The following ELOVL2 variants were observed in gnomAD, a reference collection of about 807,000 sequenced individuals.
ELOVL2 encodes the protein very long chain fatty acid elongase 2.
In ELOVL2, 38 loss-of-function variants were observed where a neutral mutation model predicts 37.7. The observed-to-expected ratio is 1.01, with a 90% CI of 0.78 to 1.32. ELOVL2 has a LOEUF of 1.32. Among genes scored for constraint, ELOVL2 ranks in the 40% most tolerant of loss-of-function variants. The pLI is 0.00. For missense variants in ELOVL2, 352 were observed against 363.6 expected (o/e 0.97, Z 0.26); for synonymous variants, 115 against 122.3 (o/e 0.94, Z 0.40).
chr6:11,043,466 G>GAACACACACACACACACACACACAC (rs1783138669), intron 1 of ELOVL2: 2 of 44,148 alleles, frequency 4.5e-5, no homozygotes, highest in Non-Finnish European at 7.1e-5. Flanking sequence ...GGACACGGGT[G>GAACACACACACACACACACACACAC]AACACACACA....
chr6:11,023,793 A>T lies in ELOVL2; in HGVS notation c.4-12984T>A, dbSNP rs573661249. ...AGGAAAATCATACCTCTCCCTCAGC[A>T]TTTAAATCTGAATAATGTCAAATCA... On this transcript the variant is annotated intron_variant, in intron 1 of 7. Coordinates refer to ENST00000354666, the MANE Select transcript of ELOVL2 (RefSeq NM_017770.4). 5.3e-5 allele frequency among the ~76,000 whole-genome samples: 8 copies of T among 152,324 alleles called. No individual in the cohort carries two copies. The South Asian group carries it at 1.4e-3, about 28-fold the overall frequency.
chr6:11,032,816 G>A (rs1332983541), intron 1 of ELOVL2, among the ~76,000 whole-genome samples: 1 of 152,158 alleles, frequency 6.6e-6, no homozygotes, highest in Non-Finnish European at 1.5e-5. Context: ...AGATAAACAA[G>A]TAACTAATAA....
chr6:10,983,189 G>C lies in ELOVL2; in HGVS notation c.*592C>G, dbSNP rs1257657915. 1 of 152,116 alleles carries C rather than the reference G, an allele frequency of 6.6e-6. No homozygotes were observed. Among genetic ancestry groups the C allele is most frequent in the Non-Finnish European group, 1.5e-5 (1 of 68,038 alleles). The allele number at this position is 152,116 out of a possible 1,614,324, so 9.4% of individuals were successfully genotyped here. A position where few individuals can be genotyped will look rare whatever the true frequency, so the allele number is the denominator to read the frequency against. On this transcript the variant is annotated 3_prime_UTR_variant, in exon 8 of 8. Transcript: ENST00000354666. ...TTTCATTACCATATCACTAAATTTA[G>C]AATCAGGAGTGGTTGTGGGAATCTG... is the stretch of plus-strand genomic sequence containing the variant.
intron 1 of ELOVL2, among the ~76,000 whole-genome samples, chr6:11,014,792 G>A (rs1451395078): frequency 1.3e-5 from 2 of 152,186 alleles, no homozygotes; most frequent in Admixed American, 1.3e-4. Context: ...TTTCTTACAG[G>A]AAAGCATTCT....
intron 1 of ELOVL2, among the ~76,000 whole-genome samples, chr6:11,042,242 G>A (rs1783109270): frequency 6.6e-6 from 1 of 152,126 alleles, no homozygotes; most frequent in Admixed American, 6.5e-5. Context: ...GAGCCCAGGA[G>A]GTGGAGGTTG....
chr6:11,027,385 T>A (rs908120479), intron 1 of ELOVL2, among the ~76,000 whole-genome samples: 7 of 152,132 alleles, frequency 4.6e-5, no homozygotes, highest in Admixed American at 1.3e-4. Context: ...GGGAGAGTCA[T>A]GGACTTTTTA....
chr6:10,998,409 A>G (rs1262518698), intron 4 of ELOVL2, among the ~76,000 whole-genome samples: 1 of 152,208 alleles, frequency 6.6e-6, no homozygotes, highest in East Asian at 1.9e-4. Flanking sequence ...CACATATGAA[A>G]GGCAAGATAA....
At position 10,989,571 on chromosome 6, in the gene ELOVL2, G is replaced by A. The variant is rs1235301175; in HGVS notation, c.765+132C>T. ...GGAGAATCACTTGAACCCAGAAGGCGGAGGTTGCAGTGAGCTGAGATCATG... is the reference window on the plus strand; with the variant it reads ...GGAGAATCACTTGAACCCAGAAGGCAGAGGTTGCAGTGAGCTGAGATCATG... On this transcript the variant is annotated intron_variant, in intron 7 of 7. Transcript: ENST00000354666. 40 of 793,008 alleles carry A rather than the reference G, an allele frequency of 5.0e-5. No individual in the cohort carries two copies. In the East Asian group the frequency reaches 7.2e-4, roughly 14 times the overall value. The allele number at this position is 793,008 out of a possible 1,614,324, so 49.1% of individuals were successfully genotyped here.
rs1169503730 is a variant in ELOVL2, at chr6:10,980,856, A to G, written c.*2925T>C. ...TGCAGCCTCCCTGTCTACTCCATTC[A>G]TGATACTATGTTCTTAAGATATAAT... On this transcript the variant is annotated 3_prime_UTR_variant, in exon 8 of 8. Transcript: ENST00000354666. 1.3e-5 allele frequency: 2 copies of G among 152,654 alleles called. No homozygotes were observed. Among genetic ancestry groups the G allele is most frequent in the African/African-American group, 4.8e-5 (2 of 41,452 alleles). 9.5% of individuals were successfully genotyped at this position (152,654 alleles called of 1,614,324 possible).
intron 4 of ELOVL2, among the ~76,000 whole-genome samples, chr6:10,998,464 G>C (rs888998438): frequency 5.3e-5 from 8 of 151,772 alleles, no homozygotes; most frequent in Admixed American, 2.6e-4. Flanking sequence ...AAAATGAATT[G>C]GTGCTCTAAC....
In ELOVL2 at chr6:11,005,518, G is replaced by A. The variant is rs781681671; in HGVS notation, c.109C>T (p.Pro37Ser). ...TACATGACAGTAAGAAAAAAGGTAG[G>A]AAGGTAAGAGTCCAACATGAACCAC... ...RGWFMLDSYL[P>S]TFFLTVMYLL... The change falls in exon 3 of 8, where the codon CCT becomes TCT. Residue 37 changes from proline to serine, a missense_variant. Coordinates refer to ENST00000354666, the MANE Select transcript of ELOVL2 (RefSeq NM_017770.4). The A allele has an allele frequency of 3.0e-5, 49 of 1,613,966 alleles. No individual in the cohort carries two copies. The Admixed American group carries it at 8.0e-4, about 26-fold the overall frequency.
intron 1 of ELOVL2, among the ~76,000 whole-genome samples, chr6:11,041,637 T>C (rs1397053147): frequency 6.6e-6 from 1 of 152,194 alleles, no homozygotes; most frequent in Non-Finnish European, 1.5e-5. Context: ...ATTTCTTTCC[T>C]TTTTACCTTT....
At chr6:11,019,478 A>G (rs1464889658) in intron 1 of ELOVL2, among the ~76,000 whole-genome samples, 1 of 152,228 alleles carries the variant, frequency 6.6e-6, no homozygotes. Flanking sequence ...GTGCAATCAG[A>G]TAACATAAAG....
chr6:11,017,932 A>C (rs1487570201), intron 1 of ELOVL2, among the ~76,000 whole-genome samples: 1 of 152,218 alleles, frequency 6.6e-6, no homozygotes, highest in African/African-American at 2.4e-5. Context: ...CTGAACTTTT[A>C]CAATACTCAC....
chr6:11,037,453 A>T (rs1469814710), intron 1 of ELOVL2, among the ~76,000 whole-genome samples: 2 of 152,180 alleles, frequency 1.3e-5, no homozygotes, highest in South Asian at 2.1e-4. Context: ...AATAAAACCA[A>T]ATAGTAAATA....
At chr6:11,005,665 A>T in intron 2 of ELOVL2, 106 bp from the exon 3 acceptor site, 3 of 886,750 alleles carry the variant, frequency 3.4e-6, no homozygotes, top group Non-Finnish European at 5.1e-6. Context: ...AACAGGGAAC[A>T]ACTCCATACA....
chr6:11,044,130 C>T lies in ELOVL2; in HGVS notation c.3+98G>A. 1 of 1,338,848 alleles carries T rather than the reference C, an allele frequency of 7.5e-7. No homozygotes were observed. The highest frequency in any genetic ancestry group is 9.7e-7 in the Non-Finnish European group (1 of 1,033,756). 82.9% of individuals were successfully genotyped at this position (1,338,848 alleles called of 1,614,324 possible). On this transcript the variant is annotated intron_variant, in intron 1 of 7. Coordinates refer to ENST00000354666, the MANE Select transcript of ELOVL2 (RefSeq NM_017770.4). The surrounding 1 kb of genome is among the most constrained non-coding windows in gnomAD (Gnocchi z 5.6). ...GGTTCCAGCGGCGAACCCGCAGCGC[C>T]CGCGCCGGCGCCCGCTCGGCCCTTT...
rs1428489453 is a variant in ELOVL2, at chr6:11,003,813, G to A, written c.255+1559C>T. On this transcript the variant is annotated intron_variant, in intron 3 of 7. Transcript: ENST00000354666. ...TTAAGAGTTGTCAGCTGGGGGTGGC[G>A]GCTCACGCCTGTAATCCCAGCACTC... is the stretch of plus-strand genomic sequence containing the variant. Among the ~76,000 whole-genome samples, 3 of 152,114 alleles carry A rather than the reference G, an allele frequency of 2.0e-5. No homozygotes were observed. In the East Asian group the frequency reaches 5.8e-4, roughly 29 times the overall value.
At chr6:11,032,538 C>T (rs554026029) in intron 1 of ELOVL2, among the ~76,000 whole-genome samples, 1 of 152,298 alleles carries the variant, frequency 6.6e-6, no homozygotes, top group South Asian at 2.1e-4. Flanking sequence ...TTACAAAATA[C>T]AGTCATCCTC....
Sources: gnomAD v4.1 joint callset for allele counts (sites outside exome capture counted in the v4.1 genomes callset) on GRCh38, gnomAD v4.1.1 for gene constraint, Gnocchi (gnomAD v3.1) non-coding constraint, MANE v1.5 for transcripts, NCBI Gene and HGNC (gene_info 2026-07-23, HGNC 2026-07-21) for gene names.